The following NMRK1 variants were observed in gnomAD, a reference collection of about 807,000 sequenced individuals.
The protein encoded by NMRK1 is NRK 1.
A neutral mutation model predicts 29.9 loss-of-function variants in NMRK1; 28 were observed. That is an observed-to-expected ratio of 0.94 (90% CI 0.69 to 1.28). The LOEUF is 1.28. NMRK1 is among the 50% of genes most tolerant of loss of function. The pLI, the probability that NMRK1 is intolerant of heterozygous loss-of-function variation, is 0.00. For synonymous variants in NMRK1, 58 were observed against 73.0 expected, an observed-to-expected ratio of 0.79 and a Z score of 1.05; for missense variants, 218 against 233.1, an observed-to-expected ratio of 0.94 and a Z score of 0.42.
intron 6 of NMRK1, 200 bp downstream of exon 6, chr9:75,069,542 C>A: frequency 1.8e-6 from 1 of 550,922 alleles, no homozygotes; most frequent in Non-Finnish European, 3.2e-6. Context: ...ATATAAGGCC[C>A]TTTTCTTAGA....
chr9:75,070,821 G>GT (rs1191209617), intron 4 of NMRK1, among the ~76,000 whole-genome samples: 3 of 152,092 alleles, frequency 2.0e-5, no homozygotes, highest in Admixed American at 2.0e-4. Context: ...GTTAGTTTTG[G>GT]TAAGCGATGT....
intron 8 of NMRK1, among the ~76,000 whole-genome samples, chr9:75,065,077 G>T (rs565264463): frequency 6.6e-6 from 1 of 152,302 alleles, no homozygotes; most frequent in African/African-American, 2.4e-5. Flanking sequence ...ATGGCTCACT[G>T]CAGCCTTGAC....
At position 75,083,138 on chromosome 9, in the gene NMRK1, T is replaced by C. The variant is rs773731437; in HGVS notation, c.-23A>G. Reference sequence around the variant, plus strand: ...CATAATTAGCTTTGAAAATCACAGCTTCCTAATATTTCCTAAAAGTAAAAA... The same window carrying C: ...CATAATTAGCTTTGAAAATCACAGCCTCCTAATATTTCCTAAAAGTAAAAA... On this transcript the variant is annotated 5_prime_UTR_variant, in exon 2 of 9. Transcript: ENST00000361092. The C allele has an allele frequency of 6.8e-7, 1 of 1,481,060 alleles. No homozygotes were observed. The highest frequency in any genetic ancestry group is 9.4e-7 in the Non-Finnish European group (1 of 1,058,842). 91.7% of individuals were successfully genotyped at this position (1,481,060 alleles called of 1,614,324 possible).
Position 75,061,400 on chromosome 9 carries a change from G to A in NMRK1, c.*148C>T, listed in dbSNP as rs559117824. The A allele has an allele frequency of 7.5e-6, 5 of 667,438 alleles. No individual in the cohort carries two copies. The highest frequency in any genetic ancestry group is 5.7e-5 in the South Asian group (3 of 52,184). The allele number at this position is 667,438 out of a possible 1,614,324, so 41.3% of individuals were successfully genotyped here. A position where few individuals can be genotyped will look rare whatever the true frequency, so the allele number is the denominator to read the frequency against. On this transcript the variant is annotated 3_prime_UTR_variant, in exon 9 of 9. Coordinates refer to ENST00000361092, the MANE Select transcript of NMRK1 (RefSeq NM_017881.3). ...GGCATGGATATTTATTGTTCCACAT[G>A]TTGGGAAAACCATGTGCAATAAAAA...
At chr9:75,077,261 A>C in intron 3 of NMRK1, 54 bp from the exon 4 acceptor site, 1 of 1,199,742 alleles carries the variant, frequency 8.3e-7, no homozygotes, top group Non-Finnish European at 1.2e-6. Context: ...GAAATAATAC[A>C]ATTATAGACT....
chr9:75,083,018 C>G (rs918599941), intron 2 of NMRK1, 69 bp downstream of exon 2: 1 of 1,131,674 alleles, frequency 8.8e-7, no homozygotes, highest in Non-Finnish European at 1.3e-6. Flanking sequence ...TCCCCCACTC[C>G]ATCCACACAG....
intron 3 of NMRK1, 55 bp downstream of exon 3, chr9:75,077,435 G>T (rs976287620): frequency 1.6e-6 from 2 of 1,232,938 alleles, no homozygotes; most frequent in Non-Finnish European, 2.4e-6. Flanking sequence ...TTCAATTAAC[G>T]TGGTGGTTAA....
intron 1 of NMRK1, among the ~76,000 whole-genome samples, chr9:75,086,563 G>C (rs1226149134): frequency 6.6e-6 from 1 of 152,100 alleles, no homozygotes. Context: ...ATTCAGGTGT[G>C]TTTATTATGC....
rs533370326 is a variant in NMRK1 at position 75,082,868 on chromosome 9, T to C, written c.29+219A>G. 146 of 534,114 alleles carry C rather than the reference T, an allele frequency of 2.7e-4. No homozygotes were observed. The Middle Eastern group carries it at 7.2e-3, about 26-fold the overall frequency. The allele number at this position is 534,114 out of a possible 1,614,324, so 33.1% of individuals were successfully genotyped here. A position where few individuals can be genotyped will look rare whatever the true frequency, so the allele number is the denominator to read the frequency against. On this transcript the variant is annotated intron_variant, in intron 2 of 8. Coordinates refer to ENST00000361092, the MANE Select transcript of NMRK1 (RefSeq NM_017881.3). ...CAAAATAAATGGGAAAGTGGGTAAATGTGGTTGACTGACTCTTCTGTTTCT... is the reference window on the plus strand; with the variant it reads ...CAAAATAAATGGGAAAGTGGGTAAACGTGGTTGACTGACTCTTCTGTTTCT...
At chr9:75,072,365 T>C (rs895074898) in intron 4 of NMRK1, among the ~76,000 whole-genome samples, 2 of 152,244 alleles carry the variant, frequency 1.3e-5, no homozygotes, top group Non-Finnish European at 2.9e-5. Context: ...ATGGGACTAA[T>C]CCATCTTGGC....
chr9:75,062,513 G>A (rs1823083143), intron 8 of NMRK1, among the ~76,000 whole-genome samples: 2 of 151,890 alleles, frequency 1.3e-5, no homozygotes, highest in South Asian at 4.2e-4. Context: ...AACTGGAAGA[G>A]CTACTTAGTT....
chr9:75,067,093 G>A, intron 7 of NMRK1: 1 of 326,172 alleles, frequency 3.1e-6, no homozygotes, highest in South Asian at 7.4e-5. Flanking sequence ...AAAGAGAAGA[G>A]AAAGAAAGAA....
At chr9:75,063,332 A>AG in intron 8 of NMRK1, among the ~76,000 whole-genome samples, 1 of 150,848 alleles carries the variant, frequency 6.6e-6, no homozygotes, top group Non-Finnish European at 1.5e-5. Flanking sequence ...AAAGAAAAAA[A>AG]GACTCCATAT....
At chr9:75,083,237 G>A in intron 1 of NMRK1, 87 bp from the exon 2 acceptor site, 1 of 706,402 alleles carries the variant, frequency 1.4e-6, no homozygotes, top group Non-Finnish European at 2.5e-6. Flanking sequence ...AGGAGCACCA[G>A]CTGAGAGGGG....
At chr9:75,069,867 G>C (rs1216378312) in intron 5 of NMRK1, 28 bp downstream of exon 5, 3 of 1,612,348 alleles carry the variant, frequency 1.9e-6, no homozygotes, top group Non-Finnish European at 2.5e-6. Flanking sequence ...CATTCACTCA[G>C]AGACAATATT....
At chr9:75,074,806 GT>G (rs1823898473) in intron 4 of NMRK1, among the ~76,000 whole-genome samples, 1 of 152,120 alleles carries the variant, frequency 6.6e-6, no homozygotes, top group South Asian at 2.1e-4. Flanking sequence ...TATCCTGTTT[GT>G]GCTCAGAAAG....
At position 75,077,586 on chromosome 9, in the gene NMRK1, G is replaced by T; in HGVS notation, c.30-6C>A. The stretch of plus-strand genomic sequence containing the variant: ...TTTTGCCACTGTTTGTCACACTGAA[G>T]CAAAGAAAAAAGAAAGTACCAAGAA... On this transcript the variant is annotated splice_polypyrimidine_tract_variant and splice_region_variant and intron_variant, in intron 2 of 8. Transcript: ENST00000361092. The T allele has an allele frequency of 1.2e-6, 2 of 1,602,910 alleles. No individual in the cohort carries two copies. The highest frequency in any genetic ancestry group is 1.7e-6 in the Non-Finnish European group (2 of 1,173,364).
At position 75,069,904 on chromosome 9, in the gene NMRK1, A is replaced by G. The variant is rs2118075218; in HGVS notation, c.308T>C (p.Phe103Ser). ...GGGTGGAGATGCTTACTTATAATTA[A>G]AAAGAAGAAAACCTTCGATGATTAA... is the stretch of plus-strand genomic sequence containing the variant. Reference protein sequence around the residue: ...PILIIEGFLLFNYKPLDTIWN... With the variant: ...PILIIEGFLLSNYKPLDTIWN... The change falls in exon 5 of 9, where the codon TTT becomes TCT. Residue 103 changes from phenylalanine to serine, a missense_variant. Coordinates refer to ENST00000361092, the MANE Select transcript of NMRK1 (RefSeq NM_017881.3). 1 of 1,613,450 alleles carries G rather than the reference A, an allele frequency of 6.2e-7. No individual in the cohort carries two copies. The highest frequency in any genetic ancestry group is 8.5e-7 in the Non-Finnish European group (1 of 1,179,834).
In NMRK1 at chr9:75,069,980, T is replaced by C; in HGVS notation, c.232A>G (p.Arg78Gly). Residue 78 changes from arginine (R) to glycine (G), a missense_variant, in exon 5 of 9, where the codon AGA becomes GGA. Physicochemically the swap from Arg to Gly is moderately radical, Grantham distance 125 (BLOSUM62 -2). Coordinates refer to ENST00000361092, the MANE Select transcript of NMRK1 (RefSeq NM_017881.3). ...SAISCWMESA[R>G]HSVVSTDQES... ...TGGTCTGTTGATACCACAGAGTGTC[T>C]TGCGCTTTCCATCCAGCAGGAAATG... is the stretch of plus-strand genomic sequence containing the variant. 6.2e-7 allele frequency: 1 copy of C among 1,613,942 alleles called. No homozygotes were observed. The highest frequency in any genetic ancestry group is 1.1e-5 in the South Asian group (1 of 91,016).
Sources: gnomAD v4.1 joint callset for allele counts (sites outside exome capture counted in the v4.1 genomes callset) on GRCh38, gnomAD v4.1.1 for gene constraint, MANE v1.5 for transcripts, NCBI Gene and HGNC (gene_info 2026-07-23, HGNC 2026-07-21) for gene names.